Variants in FOXP2 observed in about 807,000 individuals in gnomAD.
The protein encoded by FOXP2 is forkhead box protein P2.
In FOXP2, 12 loss-of-function variants were observed where a neutral mutation model predicts 115.8. The ratio of observed to expected loss-of-function variants is 0.10; its 90% confidence interval spans 0.07 to 0.17. The LOEUF (loss-of-function observed/expected upper bound fraction) is 0.17, where lower values mean the gene tolerates loss of function less well. Among genes scored for constraint, FOXP2 ranks in the 10% least tolerant of loss-of-function variants. The pLI is 1.00. For synonymous variants in FOXP2, 328 were observed against 297.7 expected, an observed-to-expected ratio of 1.10 and a Z score of -1.05; for missense variants, 629 against 843.5, an observed-to-expected ratio of 0.75 and a Z score of 3.15.
intron 3 of FOXP2, among the ~76,000 whole-genome samples, chr7:114,590,588 A>G (rs1802393181): frequency 6.6e-6 from 1 of 152,164 alleles, no homozygotes; most frequent in South Asian, 2.1e-4. Flanking sequence ...ATATGCAGAT[A>G]TATGCAGAGA....
intron 2 of FOXP2, among the ~76,000 whole-genome samples, chr7:114,495,329 T>C (rs917045954): frequency 9.9e-5 from 15 of 152,114 alleles, no homozygotes; most frequent in Non-Finnish European, 5.9e-5. Context: ...TTCATTAAAA[T>C]ATTTGTTTTA....
intron 2 of FOXP2, among the ~76,000 whole-genome samples, chr7:114,401,531 G>T (rs1792886716): frequency 6.6e-6 from 1 of 152,112 alleles, no homozygotes; most frequent in Middle Eastern, 3.4e-3. Flanking sequence ...AATGCTGCTG[G>T]GTCGGCATTA....
intron 1 of FOXP2, among the ~76,000 whole-genome samples, chr7:114,258,518 T>C (rs888226327): frequency 6.6e-6 from 1 of 152,160 alleles, no homozygotes; most frequent in Non-Finnish European, 1.5e-5. Flanking sequence ...TATGACAGAA[T>C]GAAACAAAGG....
chr7:114,230,505 A>G (rs528953346), intron 1 of FOXP2, among the ~76,000 whole-genome samples: 146 of 152,186 alleles, frequency 9.6e-4, no homozygotes, highest in African/African-American at 3.2e-3. Flanking sequence ...TCAACAGCAC[A>G]TTAAAAGAAT....
intron 16 of FOXP2, among the ~76,000 whole-genome samples, chr7:114,675,874 G>T (rs1807724136): frequency 1.3e-5 from 2 of 151,202 alleles, no homozygotes; most frequent in Admixed American, 6.6e-5. Context: ...GAATTCATAG[G>T]ATTATACACA....
intron 1 of FOXP2, among the ~76,000 whole-genome samples, chr7:114,185,226 G>GT (rs34702279): frequency 0.68 from 103,413 of 151,880 alleles, 40,028 homozygotes; most frequent in Non-Finnish European, 0.86. Flanking sequence ...CTTTTAAACA[G>GT]TTTTTTGGCT....
chr7:114,577,579 C>T (rs185861277), intron 3 of FOXP2, among the ~76,000 whole-genome samples: 53 of 152,034 alleles, frequency 3.5e-4, no homozygotes, highest in African/African-American at 1.2e-3. Flanking sequence ...CAGGCTCTCA[C>T]AATCATGCTC....
Position 114,642,584 on chromosome 7 carries a change from T to C in FOXP2, c.950T>C (p.Val317Ala), listed in dbSNP as rs1308003272. ...ASPPITHHSIVNGQSSVLSAR... is the reference protein window; with the variant it reads ...ASPPITHHSIANGQSSVLSAR... Reference sequence around the variant, plus strand: ...CCACCAATAACTCATCATTCCATAGTGAATGGACAGTCTTCAGTTCTAAGT... The same window carrying C: ...CCACCAATAACTCATCATTCCATAGCGAATGGACAGTCTTCAGTTCTAAGT... Residue 317 changes from valine to alanine, a missense_variant, in exon 7 of 17, where the codon GTG (valine) becomes GCG (alanine). Around this residue, in one of 9 missense-constraint regions of FOXP2, gnomAD observed 92 missense variants for 80.1 expected, o/e 1.15. Coordinates refer to ENST00000350908, the MANE Select transcript of FOXP2 (RefSeq NM_014491.4). The C allele has an allele frequency of 2.5e-6, 4 of 1,613,736 alleles. No individual in the cohort carries two copies.
chr7:114,435,001 C>G, intron 2 of FOXP2, among the ~76,000 whole-genome samples: 1 of 152,122 alleles, frequency 6.6e-6, no homozygotes, highest in South Asian at 2.1e-4. Flanking sequence ...CACCTTATTG[C>G]AAAACTCTGC....
rs1047715764 is a variant in FOXP2 at position 114,692,059 on chromosome 7, G to C, written c.*2133G>C. The C allele has an allele frequency of 2.2e-6, 1 of 453,864 alleles. No individual in the cohort carries two copies. Among genetic ancestry groups the C allele is most frequent in the Non-Finnish European group, 4.4e-6 (1 of 226,678 alleles). The allele number at this position is 453,864 out of a possible 1,614,324, so 28.1% of individuals were successfully genotyped here. ...GTCTTTGGGTCATGATCAACGAACC[G>C]GAAGTTTACAATATGGTATTAAAAG... is the stretch of plus-strand genomic sequence containing the variant. On this transcript the variant is annotated 3_prime_UTR_variant, in exon 17 of 17. Coordinates refer to ENST00000350908, the MANE Select transcript of FOXP2 (RefSeq NM_014491.4).
chr7:114,531,488 C>A (rs1391754881), intron 2 of FOXP2, among the ~76,000 whole-genome samples: 1 of 151,686 alleles, frequency 6.6e-6, no homozygotes, highest in Non-Finnish European at 1.5e-5. Flanking sequence ...AAAGTGTTAT[C>A]CAGAATACTG....
chr7:114,663,384 G>C, intron 14 of FOXP2, 66 bp from the exon 15 acceptor site: 1 of 1,163,546 alleles, frequency 8.6e-7, no homozygotes. Flanking sequence ...CTTTATAGCT[G>C]AGACTATTGA....
chr7:114,480,354 C>A (rs1796470922), intron 2 of FOXP2, among the ~76,000 whole-genome samples: 1 of 151,422 alleles, frequency 6.6e-6, no homozygotes, highest in African/African-American at 2.4e-5. Context: ...AAAACAAAAT[C>A]ACTACTGGAA....
At chr7:114,379,675 A>T (rs1385068450) in intron 2 of FOXP2, among the ~76,000 whole-genome samples, 1 of 152,158 alleles carries the variant, frequency 6.6e-6, no homozygotes, top group Non-Finnish European at 1.5e-5. Context: ...TCTGGAAGAG[A>T]CAAACTTAAC....
chr7:114,295,123 T>C (rs1238103527), intron 2 of FOXP2, among the ~76,000 whole-genome samples: 1 of 152,168 alleles, frequency 6.6e-6, no homozygotes, highest in African/African-American at 2.4e-5. Flanking sequence ...TTTGATATCA[T>C]TATACAAAAT....
intron 16 of FOXP2, among the ~76,000 whole-genome samples, chr7:114,687,110 T>G (rs1808407341): frequency 6.6e-6 from 1 of 152,202 alleles, no homozygotes; most frequent in African/African-American, 2.4e-5. Context: ...TCCTAAATAT[T>G]ATTTGATTCT....
chr7:114,095,000 C>A (rs546748502), intron 1 of FOXP2, among the ~76,000 whole-genome samples: 1 of 151,922 alleles, frequency 6.6e-6, no homozygotes, highest in African/African-American at 2.4e-5. Context: ...TTCCTTGTTG[C>A]GAGTAGGAAA....
chr7:114,115,467 T>A (rs1188030133), intron 1 of FOXP2, among the ~76,000 whole-genome samples: 2 of 152,100 alleles, frequency 1.3e-5, no homozygotes, highest in Non-Finnish European at 2.9e-5. Context: ...TTCTCCCCTG[T>A]CTCCTTTCCC....
At chr7:114,347,731 G>A (rs1791381302) in intron 2 of FOXP2, among the ~76,000 whole-genome samples, 1 of 151,990 alleles carries the variant, frequency 6.6e-6, no homozygotes, top group Non-Finnish European at 1.5e-5. Flanking sequence ...AGTGGCAGAG[G>A]TATGTGAGTA....
Sources: gnomAD v4.1 joint callset for allele counts (sites outside exome capture counted in the v4.1 genomes callset) on GRCh38, gnomAD v4.1.1 for gene constraint, gnomAD v4.1.1 regional missense constraint, MANE v1.5 for transcripts, NCBI Gene and HGNC (gene_info 2026-07-23, HGNC 2026-07-21) for gene names.